Variants in MDGA2 observed in about 807,000 individuals in gnomAD.
MDGA2 encodes MAM domain containing glycosylphosphatidylinositol anchor 2.
MDGA2 carries 40 observed loss-of-function variants against 117.8 expected under a neutral mutation model. That is an observed-to-expected ratio of 0.34 (90% CI 0.26 to 0.44). MDGA2 has a LOEUF of 0.44. Among genes scored for constraint, MDGA2 ranks in the 20% least tolerant of loss-of-function variants. The probability of loss-of-function intolerance (pLI) is 1.00; values close to 1 mark genes in which losing one functional copy is unlikely to be tolerated. For missense variants in MDGA2, 1,123 were observed against 1,250.6 expected (o/e 0.90, Z 1.54); for synonymous variants, 452 against 439.0 (o/e 1.03, Z -0.37).
intron 1 of MDGA2, among the ~76,000 whole-genome samples, chr14:47,522,353 A>ATATGTATATATG (rs570537640): frequency 6.8e-6 from 1 of 147,146 alleles, no homozygotes; most frequent in African/African-American, 2.5e-5. Flanking sequence ...ATGTATATAT[A>ATATGTATATATG]TGTATATATG....
intron 1 of MDGA2, among the ~76,000 whole-genome samples, chr14:47,302,985 C>A (rs1889331273): frequency 6.6e-6 from 1 of 152,102 alleles, no homozygotes; most frequent in Non-Finnish European, 1.5e-5. Flanking sequence ...TTTCCAATAT[C>A]CATCATCAAA....
intron 1 of MDGA2, among the ~76,000 whole-genome samples, chr14:47,352,385 C>T (rs546179427): frequency 1.8e-5 from 2 of 113,632 alleles, no homozygotes; most frequent in Non-Finnish European, 3.6e-5. Flanking sequence ...TGGTTAGGTA[C>T]TTCTGCCTTT....
rs183856786 is a variant in MDGA2, at chr14:47,669,554, A to C, written c.280+4963T>G. On this transcript the variant is annotated intron_variant, in intron 1 of 16. Coordinates refer to ENST00000399232, the MANE Select transcript of MDGA2 (RefSeq NM_001113498.3). The stretch of plus-strand genomic sequence containing the variant: ...TTGCATGTGAAATCTCAGTAATATG[A>C]CCAACAAGGACAATTTTTGAATGGG... Among the ~76,000 whole-genome samples the C allele has an allele frequency of 2.2e-4, 34 of 152,288 alleles. No homozygotes were observed. The East Asian group carries it at 5.4e-3, about 24-fold the overall frequency.
At chr14:46,895,852 C>G (rs1566512650) in intron 10 of MDGA2, among the ~76,000 whole-genome samples, 1 of 152,146 alleles carries the variant, frequency 6.6e-6, no homozygotes, top group Non-Finnish European at 1.5e-5. Context: ...TGCAATGCCG[C>G]CTGTCCCTTC....
At chr14:47,017,020 C>T (rs2138564148) in intron 8 of MDGA2, among the ~76,000 whole-genome samples, 1 of 151,584 alleles carries the variant, frequency 6.6e-6, no homozygotes, top group East Asian at 1.9e-4. Flanking sequence ...TATGTGTAAC[C>T]TCCTTTCCTA....
At chr14:47,281,431 G>A (rs549733863) in intron 2 of MDGA2, among the ~76,000 whole-genome samples, 62 of 152,122 alleles carry the variant, frequency 4.1e-4, no homozygotes, top group African/African-American at 1.3e-3. Flanking sequence ...CATTCTAGAG[G>A]CTTAATTGTG....
chr14:47,090,622 C>A (rs1445207102), intron 6 of MDGA2, among the ~76,000 whole-genome samples: 3 of 152,130 alleles, frequency 2.0e-5, no homozygotes, highest in African/African-American at 4.8e-5. Flanking sequence ...ATATTTGACC[C>A]TTCCAGGGAG....
chr14:47,633,549 T>G (rs997056849), intron 1 of MDGA2, among the ~76,000 whole-genome samples: 16 of 152,200 alleles, frequency 1.1e-4, no homozygotes, highest in African/African-American at 3.9e-4. Context: ...TATAAATAAA[T>G]TCATAGGTAA....
chr14:47,461,269 A>G lies in MDGA2; in HGVS notation c.281-159719T>C, dbSNP rs78274439. 2.0e-3 allele frequency among the ~76,000 whole-genome samples: 293 copies of G among 142,940 alleles called. 3 individuals are homozygous for G. Among genetic ancestry groups the G allele is most frequent in the East Asian group, 8.0e-3 (38 of 4,726 alleles). The allele number at this position is 142,940 out of a possible 152,430, so 93.8% of individuals were successfully genotyped here. A position where few individuals can be genotyped will look rare whatever the true frequency, so the allele number is the denominator to read the frequency against. ...CATGTAGTCCAAGTTAAAAAAATGT[A>G]TGTGTGTGTGTGTGTGTGTGTGTGT... On this transcript the variant is annotated intron_variant, in intron 1 of 16. Coordinates refer to ENST00000399232, the MANE Select transcript of MDGA2 (RefSeq NM_001113498.3).
intron 2 of MDGA2, among the ~76,000 whole-genome samples, chr14:47,297,983 T>C (rs1384679750): frequency 1.3e-5 from 2 of 152,298 alleles, no homozygotes; most frequent in Non-Finnish European, 1.5e-5. Context: ...TAGTTGTATT[T>C]GTATGTGTGT....
intron 1 of MDGA2, among the ~76,000 whole-genome samples, chr14:47,464,146 G>C (rs901568231): frequency 6.3e-4 from 82 of 129,428 alleles, no homozygotes; most frequent in Middle Eastern, 8.6e-3. Flanking sequence ...CACACACACA[G>C]AGCCTCTGTT....
intron 1 of MDGA2, among the ~76,000 whole-genome samples, chr14:47,323,657 A>AC: frequency 6.6e-6 from 1 of 152,036 alleles, no homozygotes; most frequent in African/African-American, 2.4e-5. Flanking sequence ...ACAAAACAAA[A>AC]AACAACATGA....
Position 46,845,775 on chromosome 14 carries a change from C to T in MDGA2, c.2980G>A (p.Ala994Thr). 1 of 1,608,198 alleles carries T rather than the reference C, an allele frequency of 6.2e-7. No homozygotes were observed. Among genetic ancestry groups the T allele is most frequent in the Non-Finnish European group, 8.5e-7 (1 of 1,175,366 alleles). ...AAGCAAAGATACTTACTCTTAGTTG[C>T]TAGGTCTTGTTTTGCACATTCTCCT... ...AEGECAKQDL[A>T]TKNSVDGAVG... is the part of the protein sequence containing the mutation. The change falls in exon 16 of 17, where the codon GCA becomes ACA. Residue 994 changes from alanine to threonine, a missense_variant. Coordinates refer to ENST00000399232, the MANE Select transcript of MDGA2 (RefSeq NM_001113498.3).
chr14:46,888,221 T>TA (rs1017640353), intron 10 of MDGA2, among the ~76,000 whole-genome samples: 1 of 151,954 alleles, frequency 6.6e-6, no homozygotes, highest in African/African-American at 2.4e-5. Context: ...GTGCAAAATG[T>TA]AAAAATGGAA....
intron 1 of MDGA2, among the ~76,000 whole-genome samples, chr14:47,308,503 T>G (rs1330996235): frequency 1.0e-3 from 2 of 1,960 alleles, no homozygotes; most frequent in African/African-American, 1.6e-3. Flanking sequence ...TTTCTGTTAG[T>G]TTTTTTTTTT....
chr14:47,426,377 T>A (rs1446497214), intron 1 of MDGA2, among the ~76,000 whole-genome samples: 1 of 152,034 alleles, frequency 6.6e-6, no homozygotes, highest in Non-Finnish European at 1.5e-5. Context: ...AGGACCCCTA[T>A]ATGTTTTCAG....
rs1045488807 is a variant in MDGA2, at chr14:47,516,336, C to T, written c.280+158181G>A. On this transcript the variant is annotated intron_variant, in intron 1 of 16. Transcript: ENST00000399232. The stretch of plus-strand genomic sequence containing the variant: ...GACCTGTAGCAGACATTTATTGTCA[C>T]CTTCTCAGCATGTAATCCCCATTTC... Among the ~76,000 whole-genome samples, 9 of 152,226 alleles carry T rather than the reference C, an allele frequency of 5.9e-5. No homozygotes were observed. The South Asian group carries it at 1.9e-3, about 32-fold the overall frequency.
intron 1 of MDGA2, among the ~76,000 whole-genome samples, chr14:47,568,427 T>C (rs1839777787): frequency 6.6e-6 from 1 of 152,218 alleles, no homozygotes; most frequent in Non-Finnish European, 1.5e-5. Context: ...TACGGATTAA[T>C]AACCAATTTT....
At chr14:47,302,078 T>C (rs1015411962) in intron 1 of MDGA2, among the ~76,000 whole-genome samples, 2 of 152,176 alleles carry the variant, frequency 1.3e-5, no homozygotes, top group East Asian at 1.9e-4. Context: ...TATAGACATC[T>C]GTATTGATGT....
Sources: gnomAD v4.1 joint callset for allele counts (sites outside exome capture counted in the v4.1 genomes callset) on GRCh38, gnomAD v4.1.1 for gene constraint, MANE v1.5 for transcripts, NCBI Gene and HGNC (gene_info 2026-07-23, HGNC 2026-07-21) for gene names.